Variants in CMSS1 observed in about 807,000 individuals in gnomAD.
CMSS1 encodes protein CMSS1.
CMSS1 carries 33 observed loss-of-function variants against 43.5 expected under a neutral mutation model. That is an observed-to-expected ratio of 0.76 (90% CI 0.57 to 1.01). The LOEUF is 1.01. Ranked by LOEUF, CMSS1 falls within the 50% of genes least tolerant of loss-of-function variation. CMSS1 has a pLI of 0.00. For synonymous variants in CMSS1, 115 were observed against 117.2 expected (o/e 0.98, Z 0.12); for missense variants, 313 against 326.4 (o/e 0.96, Z 0.32).
At chr3:99,832,413 G>A in intron 1 of CMSS1, among the ~76,000 whole-genome samples, 1 of 150,084 alleles carries the variant, frequency 6.7e-6, no homozygotes, top group Non-Finnish European at 1.5e-5. Context: ...TGTATTTTTA[G>A]TAGAGACGGG....
chr3:100,081,365 C>T (rs1453235984), intron 1 of CMSS1, among the ~76,000 whole-genome samples: 1 of 152,164 alleles, frequency 6.6e-6, no homozygotes, highest in East Asian at 1.9e-4. Flanking sequence ...TCAGTTTATG[C>T]TTTTGGAAAC....
intron 1 of CMSS1, chr3:99,850,491 C>T: frequency 2.5e-6 from 4 of 1,613,476 alleles, no homozygotes; most frequent in Non-Finnish European, 3.4e-6. Flanking sequence ...GATCTCTGCA[C>T]TGCTCCTCCA....
intron 1 of CMSS1, among the ~76,000 whole-genome samples, chr3:100,056,312 C>T (rs370109782): frequency 3.9e-5 from 6 of 152,184 alleles, no homozygotes; most frequent in African/African-American, 1.4e-4. Context: ...TGCATCCTTC[C>T]ATAAATATTG....
At chr3:100,147,265 C>CTTTTTTTTTTTTTTTTTTTTTTTTTT in intron 2 of CMSS1, among the ~76,000 whole-genome samples, 2 of 86,834 alleles carry the variant, frequency 2.3e-5, no homozygotes, top group Non-Finnish European at 4.4e-5. Context: ...AATTCTTTTT[C>CTTTTTTTTTTTTTTTTTTTTTTTTTT]TTTTTTTTTT....
At chr3:99,962,679 C>G (rs146619050) in intron 1 of CMSS1, among the ~76,000 whole-genome samples, 2 of 152,276 alleles carry the variant, frequency 1.3e-5, no homozygotes, top group East Asian at 3.9e-4. Flanking sequence ...GGTCCTGTTA[C>G]AGTAAGAAAT....
intron 1 of CMSS1, among the ~76,000 whole-genome samples, chr3:100,027,593 T>G (rs1410041462): frequency 6.6e-6 from 1 of 152,170 alleles, no homozygotes; most frequent in Non-Finnish European, 1.5e-5. Flanking sequence ...TCCACCCTGC[T>G]CAACTTCGAT....
intron 1 of CMSS1, among the ~76,000 whole-genome samples, chr3:100,143,786 C>G (rs2107509832): frequency 6.6e-6 from 1 of 152,310 alleles, no homozygotes; most frequent in East Asian, 1.9e-4. Flanking sequence ...GTCTTCTTGA[C>G]AGATTACCCT....
At chr3:99,961,197 A>T (rs1356012678) in intron 1 of CMSS1, among the ~76,000 whole-genome samples, 1 of 152,142 alleles carries the variant, frequency 6.6e-6, no homozygotes, top group Non-Finnish European at 1.5e-5. Flanking sequence ...AGGATGAGGG[A>T]GGTGGTGCGG....
At chr3:99,830,943 G>T (rs111942883) in intron 1 of CMSS1, among the ~76,000 whole-genome samples, 3 of 152,174 alleles carry the variant, frequency 2.0e-5, no homozygotes, top group East Asian at 1.9e-4. Context: ...GGTTAATTTC[G>T]AATGAGATTG....
intron 1 of CMSS1, among the ~76,000 whole-genome samples, chr3:100,021,193 A>G (rs1412845092): frequency 6.6e-6 from 1 of 152,200 alleles, no homozygotes; most frequent in African/African-American, 2.4e-5. Flanking sequence ...TGCCAGTGTC[A>G]CTGCTTTTCC....
At chr3:99,828,577 AT>A (rs1203423530) in intron 1 of CMSS1, among the ~76,000 whole-genome samples, 1 of 147,794 alleles carries the variant, frequency 6.8e-6, no homozygotes, top group African/African-American at 2.5e-5. Context: ...CTTCCTCCTA[AT>A]TAGCTAGGAC....
At position 99,983,397 on chromosome 3, in the gene CMSS1, T is replaced by A. The variant is rs867800987; in HGVS notation, c.65-163576T>A. ...TAAAAAATAAATAAATAAATATATA[T>A]ATATATATATATATATATATATGTA... is the stretch of plus-strand genomic sequence containing the variant. On this transcript the variant is annotated intron_variant, in intron 1 of 9. Transcript: ENST00000421999. Among the ~76,000 whole-genome samples the A allele has an allele frequency of 5.9e-3, 631 of 107,322 alleles. 13 individuals are homozygous for A. Among genetic ancestry groups the A allele is most frequent in the African/African-American group, 0.025 (600 of 24,224 alleles). The allele number at this position is 107,322 out of a possible 152,430, so 70.4% of individuals were successfully genotyped here.
At chr3:100,037,958 G>GA (rs1559735195) in intron 1 of CMSS1, among the ~76,000 whole-genome samples, 31 of 10,050 alleles carry the variant, frequency 3.1e-3, no homozygotes, top group Non-Finnish European at 2.3e-3. Context: ...TTTTTTTTTG[G>GA]GGGGGGAGGG....
chr3:100,070,020 T>TA (rs201906297), intron 1 of CMSS1, among the ~76,000 whole-genome samples: 1,786 of 152,292 alleles, frequency 0.012, 23 homozygotes, highest in African/African-American at 0.026. Flanking sequence ...GATCCTCAAA[T>TA]AAAAAACTCA....
At position 99,986,334 on chromosome 3, in the gene CMSS1, TA is replaced by T. The variant is rs980993031; in HGVS notation, c.65-160636del. Among the ~76,000 whole-genome samples the T allele has an allele frequency of 5.7e-4, 87 of 152,316 alleles. 1 individual carries two copies. The highest frequency in any genetic ancestry group is 2.0e-3 in the African/African-American group (83 of 41,570). On this transcript the variant is annotated intron_variant, in intron 1 of 9. Transcript: ENST00000421999. ...AGATATGCCCTCCACTCCATTGCCATAAAGACATATCATTGTAAAATAAAGA... is the reference window on the plus strand; with the variant it reads ...AGATATGCCCTCCACTCCATTGCCATAAGACATATCATTGTAAAATAAAGA...
intron 1 of CMSS1, among the ~76,000 whole-genome samples, chr3:100,090,304 A>G (rs2066081905): frequency 6.6e-6 from 1 of 152,244 alleles, no homozygotes; most frequent in Admixed American, 6.5e-5. Context: ...AGTCAAGGGA[A>G]CATTAGCTCA....
intron 1 of CMSS1, among the ~76,000 whole-genome samples, chr3:100,034,252 A>G (rs2065069813): frequency 2.0e-5 from 3 of 152,094 alleles, no homozygotes; most frequent in African/African-American, 7.2e-5. Context: ...GAATGGGGGG[A>G]AAAAGCTGCA....
intron 1 of CMSS1, among the ~76,000 whole-genome samples, chr3:99,866,295 G>C (rs576209074): frequency 1.3e-5 from 2 of 152,140 alleles, no homozygotes; most frequent in East Asian, 3.9e-4. Flanking sequence ...TAAGTTCACT[G>C]GTTTTCACCT....
chr3:99,939,546 G>C (rs1707793338), intron 1 of CMSS1, among the ~76,000 whole-genome samples: 2 of 152,108 alleles, frequency 1.3e-5, no homozygotes, highest in Admixed American at 1.3e-4. Context: ...CATGGAATTG[G>C]GTATAATTTC....
Sources: allele counts gnomAD v4.1 joint callset (sites outside exome capture counted in the v4.1 genomes callset), GRCh38; gene constraint gnomAD v4.1.1; transcripts MANE v1.5; gene names NCBI Gene and HGNC (gene_info 2026-07-23, HGNC 2026-07-21).